The following WLS variants were observed in gnomAD, a reference collection of about 807,000 sequenced individuals.
WLS encodes Wnt ligand secretion mediator.
WLS carries 23 observed loss-of-function variants against 62.8 expected under a neutral mutation model. The ratio of observed to expected loss-of-function variants is 0.37; its 90% CI spans 0.26 to 0.52. WLS has a LOEUF of 0.52. Among genes scored for constraint, WLS ranks in the 20% least tolerant of loss-of-function variants. The pLI is 0.92. For missense variants in WLS, 615 were observed against 697.3 expected (o/e 0.88, Z 1.33); for synonymous variants, 246 against 244.1 (o/e 1.01, Z -0.07).
Position 68,126,424 on chromosome 1 carries a change from GCCCTCT to G in WLS, c.1517-95_1517-90del, listed in dbSNP as rs1216621441. ...CTCATGGACAACTGCCCTGATGCTA[GCCCTCT>G]TTGACATTCTGAGCACACAGAGACA... On this transcript the variant is annotated intron_variant, in intron 11 of 11. Transcript: ENST00000262348. 2.5e-5 allele frequency: 39 copies of G among 1,533,652 alleles called. No individual in the cohort carries two copies. The East Asian group carries it at 7.1e-4, about 28-fold the overall frequency.
At chr1:68,106,380 C>G (rs1570795083) in intron 11 of WLS, among the ~76,000 whole-genome samples, 1 of 152,058 alleles carries the variant, frequency 6.6e-6, no homozygotes, top group Non-Finnish European at 1.5e-5. Context: ...TGATGATGTC[C>G]TCAGAATTTC....
At chr1:68,101,864 G>A (rs1452639130) in intron 11 of WLS, among the ~76,000 whole-genome samples, 3 of 152,012 alleles carry the variant, frequency 2.0e-5, no homozygotes, top group Non-Finnish European at 4.4e-5. Context: ...AGAAATACTG[G>A]GAAACAAAAA....
intron 4 of WLS, among the ~76,000 whole-genome samples, chr1:68,154,370 A>G (rs1646868184): frequency 6.6e-6 from 1 of 152,194 alleles, no homozygotes; most frequent in Non-Finnish European, 1.5e-5. Flanking sequence ...GATGGTCAAT[A>G]TGTTGAGATT....
Position 68,153,507 on chromosome 1 carries a change from C to A in WLS, c.803+10G>T. ...GTATTCCTGAAGAGCGCTCCAAAAC[C>A]AGCTCTTACTTTTCCAGAAGCACTG... On this transcript the variant is annotated intron_variant, in intron 5 of 11. Coordinates refer to ENST00000262348, the MANE Select transcript of WLS (RefSeq NM_024911.7). 3 of 1,613,986 alleles carry A rather than the reference C, an allele frequency of 1.9e-6. No individual in the cohort carries two copies. Among genetic ancestry groups the A allele is most frequent in the Non-Finnish European group, 2.5e-6 (3 of 1,179,958 alleles).
chr1:68,120,043 A>G (rs534364421), intron 11 of WLS, among the ~76,000 whole-genome samples: 1 of 150,848 alleles, frequency 6.6e-6, no homozygotes, highest in African/African-American at 2.4e-5. Context: ...GATAAATGAA[A>G]TTAATAAACC....
At chr1:68,123,989 C>T (rs918020024), downstream of WLS, among the ~76,000 whole-genome samples, 1 of 151,912 alleles carries the variant, frequency 6.6e-6, no homozygotes, top group Non-Finnish European at 1.5e-5. Flanking sequence ...ACTTAGAAAA[C>T]TTTAAGTAGT....
chr1:68,170,160 C>CTTTTTTTCTTTTCTTT (rs1553131191), intron 2 of WLS, among the ~76,000 whole-genome samples: 1 of 86,780 alleles, frequency 1.2e-5, no homozygotes, highest in Non-Finnish European at 2.3e-5. Flanking sequence ...GCTACTATTT[C>CTTTTTTTCTTTTCTTT]TTTTTTTTTT....
intron 1 of WLS, among the ~76,000 whole-genome samples, chr1:68,208,672 C>T (rs1344306259): frequency 2.6e-5 from 4 of 152,076 alleles, no homozygotes; most frequent in African/African-American, 9.7e-5. Context: ...TGACAGAATC[C>T]CTACTTGGAG....
intron 11 of WLS, among the ~76,000 whole-genome samples, chr1:68,107,931 G>C (rs748747421): frequency 3.3e-5 from 5 of 152,152 alleles, no homozygotes; most frequent in Non-Finnish European, 5.9e-5. Context: ...CAGGAGGCCA[G>C]TTCTAGAGCC....
At chr1:68,118,703 A>G (rs1268129725) in intron 11 of WLS, among the ~76,000 whole-genome samples, 1 of 151,550 alleles carries the variant, frequency 6.6e-6, no homozygotes, top group Non-Finnish European at 1.5e-5. Context: ...GTGAAACCCC[A>G]TCTCTACTAA....
chr1:68,222,002 T>G, intron 1 of WLS, among the ~76,000 whole-genome samples: 1 of 152,196 alleles, frequency 6.6e-6, no homozygotes, highest in Non-Finnish European at 1.5e-5. Flanking sequence ...TTGCTGCTTT[T>G]GTATGTAAAT....
intron 2 of WLS, 91 bp from the exon 3 acceptor site, chr1:68,159,338 AACC>A: frequency 6.8e-7 from 1 of 1,463,170 alleles, no homozygotes; most frequent in Admixed American, 2.1e-5. Context: ...TTGACTTGGA[AACC>A]AACGAGACAA....
chr1:68,222,604 T>C (rs1406618974), intron 1 of WLS, among the ~76,000 whole-genome samples: 2 of 152,122 alleles, frequency 1.3e-5, no homozygotes, highest in Non-Finnish European at 2.9e-5. Flanking sequence ...CTGAGTAGCA[T>C]TAGAAACTGC....
At chr1:68,229,227 A>G (rs558292994) in intron 1 of WLS, among the ~76,000 whole-genome samples, 1 of 152,118 alleles carries the variant, frequency 6.6e-6, no homozygotes, top group African/African-American at 2.4e-5. Flanking sequence ...TTTGTGCTGT[A>G]TATTTGTGTG....
At chr1:68,150,658 C>A (rs1161647459) in intron 5 of WLS, among the ~76,000 whole-genome samples, 1 of 152,188 alleles carries the variant, frequency 6.6e-6, no homozygotes, top group Non-Finnish European at 1.5e-5. Context: ...TGCCTTCTCA[C>A]CCAGGCCTCA....
chr1:68,104,417 G>A (rs1342337672), intron 11 of WLS, among the ~76,000 whole-genome samples: 1 of 152,102 alleles, frequency 6.6e-6, no homozygotes, highest in Non-Finnish European at 1.5e-5. Flanking sequence ...CATTTGCTCT[G>A]AGCAGCTGCA....
At chr1:68,168,114 G>T (rs544385701) in intron 2 of WLS, among the ~76,000 whole-genome samples, 1 of 152,220 alleles carries the variant, frequency 6.6e-6, no homozygotes, top group Non-Finnish European at 1.5e-5. Context: ...TGGTGGGAGG[G>T]GGGTGCTAGA....
At chr1:68,108,190 A>G (rs1192204155) in intron 11 of WLS, among the ~76,000 whole-genome samples, 17 of 152,074 alleles carry the variant, frequency 1.1e-4, no homozygotes, top group Admixed American at 1.1e-3. Flanking sequence ...GCATCATCCT[A>G]TATGTTAGGA....
chr1:68,154,602 A>G (rs997002087), intron 4 of WLS, among the ~76,000 whole-genome samples: 1 of 152,228 alleles, frequency 6.6e-6, no homozygotes, highest in Non-Finnish European at 1.5e-5. Context: ...TTCTCTAAAT[A>G]GTAGGACATT....
Sources: gnomAD v4.1 joint callset for allele counts (sites outside exome capture counted in the v4.1 genomes callset) on GRCh38, gnomAD v4.1.1 for gene constraint, MANE v1.5 for transcripts, NCBI Gene and HGNC (gene_info 2026-07-23, HGNC 2026-07-21) for gene names.